CDH20: variants seen among roughly 807,000 people sequenced by gnomAD.
CDH20 encodes the protein cadherin-20.
In CDH20, 29 loss-of-function variants were observed where a neutral mutation model predicts 74.2. The observed-to-expected ratio is 0.39, with a 90% confidence interval of 0.29 to 0.53. The LOEUF is 0.53. Among genes scored for constraint, CDH20 ranks in the 20% least tolerant of loss-of-function variants. The pLI is 0.69. For synonymous variants in CDH20, 469 were observed against 405.4 expected, an observed-to-expected ratio of 1.16 and a Z score of -1.88; for missense variants, 988 against 1,048.3, an observed-to-expected ratio of 0.94 and a Z score of 0.79.
chr18:61,344,144 G>A (rs982882647), intron 1 of CDH20, among the ~76,000 whole-genome samples: 3 of 152,084 alleles, frequency 2.0e-5, no homozygotes, highest in East Asian at 1.9e-4. Context: ...TCTCTAACCC[G>A]CAAAGTCACT....
At chr18:61,445,331 G>T (rs1279151939) in intron 1 of CDH20, among the ~76,000 whole-genome samples, 1 of 152,046 alleles carries the variant, frequency 6.6e-6, no homozygotes, top group African/African-American at 2.4e-5. Flanking sequence ...AATCAGAGAA[G>T]TTCTATAACC....
intron 1 of CDH20, among the ~76,000 whole-genome samples, chr18:61,431,516 A>G (rs1052912374): frequency 6.6e-6 from 1 of 152,214 alleles, no homozygotes; most frequent in Admixed American, 6.5e-5. Context: ...CTAATGTACC[A>G]TAGAAATGTA....
intron 6 of CDH20, among the ~76,000 whole-genome samples, chr18:61,518,119 G>A (rs988361377): frequency 2.0e-5 from 3 of 152,174 alleles, no homozygotes; most frequent in Non-Finnish European, 4.4e-5. Flanking sequence ...AGCAGCCCCA[G>A]TCAGGGGCTT....
chr18:61,544,544 G>A (rs1913160201), intron 9 of CDH20, among the ~76,000 whole-genome samples: 1 of 152,190 alleles, frequency 6.6e-6, no homozygotes, highest in Non-Finnish European at 1.5e-5. Flanking sequence ...GGAGTGGGAA[G>A]GTGATCTTCC....
At chr18:61,359,191 T>C (rs7238612) in intron 1 of CDH20, among the ~76,000 whole-genome samples, 32,680 of 152,080 alleles carry the variant, frequency 0.21, 3,928 homozygotes, top group East Asian at 0.46. Context: ...CATAATGTGA[T>C]GTTCCTTATT....
At chr18:61,489,609 T>C (rs188713111) in intron 1 of CDH20, among the ~76,000 whole-genome samples, 2 of 151,982 alleles carry the variant, frequency 1.3e-5, no homozygotes, top group Admixed American at 1.3e-4. Flanking sequence ...AGAAGTCCTT[T>C]TCCCTAAATG....
At chr18:61,366,166 C>T (rs72991806) in intron 1 of CDH20, among the ~76,000 whole-genome samples, 3 of 152,236 alleles carry the variant, frequency 2.0e-5, no homozygotes, top group Non-Finnish European at 4.4e-5. Context: ...CTCCTAAATT[C>T]TCTTATCCTA....
intron 1 of CDH20, among the ~76,000 whole-genome samples, chr18:61,417,578 T>TAGAAAAAAAAAAAAAAAAAA (rs1848195411): frequency 1.6e-5 from 1 of 62,364 alleles, no homozygotes; most frequent in African/African-American, 8.0e-5. Flanking sequence ...ATGTGGGAGC[T>TAGAAAAAAAAAAAAAAAAAA]AAAAAAAAAA....
chr18:61,426,186 A>AAAAATAAAAT (rs563363804), intron 1 of CDH20, among the ~76,000 whole-genome samples: 7 of 151,988 alleles, frequency 4.6e-5, no homozygotes, highest in African/African-American at 1.7e-4. Context: ...TTCCTTTCCA[A>AAAAATAAAAT]AAAATAAAAT....
intron 1 of CDH20, among the ~76,000 whole-genome samples, chr18:61,451,197 C>T (rs1476837): frequency 0.98 from 149,241 of 151,970 alleles, 73,327 homozygotes; most frequent in East Asian, 1. Flanking sequence ...TGGTTCTGCC[C>T]CAGGGACAGT....
chr18:61,364,153 G>T (rs1441514811), intron 1 of CDH20, among the ~76,000 whole-genome samples: 2 of 152,138 alleles, frequency 1.3e-5, no homozygotes, highest in African/African-American at 4.8e-5. Flanking sequence ...AAGCTATGGT[G>T]CTATAGTTTG....
At chr18:61,433,656 C>T (rs1908730095) in intron 1 of CDH20, among the ~76,000 whole-genome samples, 1 of 152,062 alleles carries the variant, frequency 6.6e-6, no homozygotes, top group Non-Finnish European at 1.5e-5. Context: ...TAATGAGCTC[C>T]AAGGAACAAT....
At chr18:61,475,207 G>A (rs1332994864) in intron 1 of CDH20, among the ~76,000 whole-genome samples, 1 of 152,190 alleles carries the variant, frequency 6.6e-6, no homozygotes, top group Non-Finnish European at 1.5e-5. Flanking sequence ...GGAATGGAGA[G>A]GAAAGACAGA....
At chr18:61,476,184 G>A (rs924202074) in intron 1 of CDH20, among the ~76,000 whole-genome samples, 2 of 152,078 alleles carry the variant, frequency 1.3e-5, no homozygotes, top group Non-Finnish European at 1.5e-5. Flanking sequence ...CAGAAGACAT[G>A]GCTTCTGCTT....
chr18:61,495,838 G>A (rs574552185), intron 2 of CDH20, among the ~76,000 whole-genome samples: 1 of 152,260 alleles, frequency 6.6e-6, no homozygotes, highest in African/African-American at 2.4e-5. Flanking sequence ...GAAACCAGGT[G>A]TGAGTTTTGT....
At chr18:61,395,753 G>T (rs1303346506) in intron 1 of CDH20, among the ~76,000 whole-genome samples, 2 of 152,036 alleles carry the variant, frequency 1.3e-5, no homozygotes, top group Non-Finnish European at 2.9e-5. Flanking sequence ...ATATGACCTT[G>T]GCCAGGCGCG....
chr18:61,503,356 TCTTTTTAGA>T (rs1417316381), intron 5 of CDH20, among the ~76,000 whole-genome samples: 1 of 152,232 alleles, frequency 6.6e-6, no homozygotes, highest in Non-Finnish European at 1.5e-5. Context: ...CCCTGTGGAA[TCTTTTTAGA>T]CTTTCTTTCC....
intron 1 of CDH20, among the ~76,000 whole-genome samples, chr18:61,478,509 T>TA (rs1910471680): frequency 6.6e-6 from 1 of 152,210 alleles, no homozygotes; most frequent in Admixed American, 6.5e-5. Flanking sequence ...TTTCTTATAA[T>TA]ACTGGGAACG....
In CDH20 at chr18:61,554,297, G is replaced by A. The variant is rs1376311402; in HGVS notation, c.2008G>A (p.Gly670Ser). The A allele has an allele frequency of 6.2e-7, 1 of 1,613,788 alleles. No individual in the cohort carries two copies. Among genetic ancestry groups the A allele is most frequent in the African/African-American group, 1.3e-5 (1 of 74,946 alleles). ...ENIVRYDDEG[G>S]GEEDTEAFDI... ...CATCGTCCGCTACGACGACGAGGGC[G>A]GCGGCGAGGAGGACACCGAGGCCTT... The change falls in exon 12 of 12, where the codon GGC becomes AGC. Residue 670 changes from glycine to serine, a missense_variant. Physicochemically the swap from Gly to Ser is moderately conservative, Grantham distance 56. This residue lies in a region of CDH20 where 375 missense variants were observed against 293.1 expected (regional missense o/e 1.28). Transcript: ENST00000262717.
Sources: gnomAD v4.1 joint callset for allele counts (sites outside exome capture counted in the v4.1 genomes callset) on GRCh38, gnomAD v4.1.1 for gene constraint, gnomAD v4.1.1 regional missense constraint, MANE v1.5 for transcripts, NCBI Gene and HGNC (gene_info 2026-07-23, HGNC 2026-07-21) for gene names.